Variants in MYO16 observed in about 807,000 individuals in gnomAD.
The protein encoded by MYO16 is unconventional myosin-XVI.
A neutral mutation model predicts 205.3 loss-of-function variants in MYO16; 94 were observed. The ratio of observed to expected loss-of-function variants is 0.46; its 90% CI spans 0.39 to 0.54. The LOEUF is 0.54. Among genes scored for constraint, MYO16 ranks in the 20% least tolerant of loss-of-function variants. The pLI is 0.00. For synonymous variants in MYO16, 988 were observed against 954.0 expected (o/e 1.04, Z -0.66); for missense variants, 2,315 against 2,387.5 (o/e 0.97, Z 0.63).
At chr13:108,677,344 T>TATATATGC (rs1566544880) in intron 2 of MYO16, among the ~76,000 whole-genome samples, 93 of 93,256 alleles carry the variant, frequency 1.0e-3, no homozygotes, top group African/African-American at 3.4e-3. Context: ...TGTATATATA[T>TATATATGC]ATATATATAT....
At chr13:108,790,569 G>A (rs1366454854) in intron 5 of MYO16, among the ~76,000 whole-genome samples, 1 of 152,038 alleles carries the variant, frequency 6.6e-6, no homozygotes, top group Non-Finnish European at 1.5e-5. Flanking sequence ...AGACTTATGG[G>A]CTATATCCAT....
the MYO16 span, among the ~76,000 whole-genome samples, chr13:108,508,671 C>T: frequency 9.2e-5 from 14 of 152,134 alleles, no homozygotes; most frequent in African/African-American, 2.9e-4. Context: ...AGTTTTCTCC[C>T]AGCTGTGCTG....
At chr13:108,941,750 G>A (rs1030217153) in intron 16 of MYO16, among the ~76,000 whole-genome samples, 1 of 150,226 alleles carries the variant, frequency 6.7e-6, no homozygotes, top group Non-Finnish European at 1.5e-5. Flanking sequence ...GGCTATGGAT[G>A]TCCATTTTCT....
intron 1 of MYO16, among the ~76,000 whole-genome samples, chr13:108,620,253 T>G (rs563159092): frequency 6.6e-6 from 1 of 152,182 alleles, no homozygotes; most frequent in African/African-American, 2.4e-5. Context: ...CCTAGAAATA[T>G]TCACTTAGAA....
intron 1 of MYO16, among the ~76,000 whole-genome samples, chr13:108,610,440 A>G (rs979831456): frequency 3.3e-5 from 5 of 152,122 alleles, no homozygotes; most frequent in African/African-American, 1.2e-4. Context: ...CTTTGTGGGC[A>G]AAAGTACTCT....
At chr13:109,066,382 A>G (rs527758629) in intron 27 of MYO16, among the ~76,000 whole-genome samples, 25 of 152,196 alleles carry the variant, frequency 1.6e-4, no homozygotes, top group Non-Finnish European at 3.4e-4. Flanking sequence ...ATTTTGCCAA[A>G]TCTAACCATT....
the MYO16 span, among the ~76,000 whole-genome samples, chr13:108,555,019 T>C: frequency 2.6e-5 from 4 of 152,148 alleles, no homozygotes; most frequent in Admixed American, 6.5e-5. Context: ...CCTGCTAACA[T>C]TGGAAATCTA....
chr13:108,612,761 C>T (rs1159808234), intron 1 of MYO16, among the ~76,000 whole-genome samples: 4 of 152,156 alleles, frequency 2.6e-5, no homozygotes, highest in South Asian at 2.1e-4. Flanking sequence ...CCTTTCAGAC[C>T]GTGAGAAAGG....
chr13:108,889,995 G>A (rs1880086691), intron 14 of MYO16, among the ~76,000 whole-genome samples: 2 of 151,826 alleles, frequency 1.3e-5, no homozygotes, highest in African/African-American at 4.8e-5. Flanking sequence ...ACAGTGATAC[G>A]ATCACCATTC....
intron 16 of MYO16, among the ~76,000 whole-genome samples, chr13:108,950,657 A>G (rs1045030353): frequency 6.6e-6 from 1 of 152,314 alleles, no homozygotes. Flanking sequence ...AAAACTATAG[A>G]TGCAACTACC....
At chr13:108,979,494 AT>A (rs1298739198) in intron 20 of MYO16, among the ~76,000 whole-genome samples, 1 of 152,086 alleles carries the variant, frequency 6.6e-6, no homozygotes, top group African/African-American at 2.4e-5. Context: ...CAAACTGGGG[AT>A]TTTTTTACCA....
chr13:108,650,820 G>A (rs765837495), intron 1 of MYO16, among the ~76,000 whole-genome samples: 10 of 152,156 alleles, frequency 6.6e-5, no homozygotes, highest in Non-Finnish European at 1.3e-4. Flanking sequence ...GGAAAAGACA[G>A]GTTCTGGTGT....
upstream of MYO16, among the ~76,000 whole-genome samples, chr13:108,593,403 G>T (rs148802649): frequency 1.5e-3 from 222 of 152,250 alleles, 1 homozygote; most frequent in African/African-American, 5.2e-3. Context: ...TTCCCGGAGG[G>T]AGCTGCCGGC....
In MYO16 at chr13:109,127,276, C is replaced by T. The variant is rs184507184; in HGVS notation, c.3783-6C>T. On this transcript the variant is annotated splice_region_variant and splice_polypyrimidine_tract_variant and intron_variant, in intron 30 of 34. Coordinates refer to ENST00000457511, the MANE Select transcript of MYO16 (RefSeq NM_001198950.3). This position sits in a 1 kb window ranked among gnomAD's most constrained non-coding sequence, Gnocchi z 4.2. Reference sequence around the variant, plus strand: ...TGGTGCTGTTTGTGTTTTGTTTCCCCCTAAGAACCGATGACAAGAGTGGAC... The same window carrying T: ...TGGTGCTGTTTGTGTTTTGTTTCCCTCTAAGAACCGATGACAAGAGTGGAC... The T allele has an allele frequency of 2.5e-6, 4 of 1,570,024 alleles. No homozygotes were observed. Among genetic ancestry groups the T allele is most frequent in the Middle Eastern group, 3.4e-4 (2 of 5,838 alleles).
At chr13:108,982,676 C>T (rs1297228940) in intron 20 of MYO16, among the ~76,000 whole-genome samples, 1 of 152,120 alleles carries the variant, frequency 6.6e-6, no homozygotes, top group Non-Finnish European at 1.5e-5. Context: ...TTAATGAAAT[C>T]TTTAGTTAAA....
intron 2 of MYO16, among the ~76,000 whole-genome samples, chr13:108,670,844 A>G (rs1476027039): frequency 2.0e-5 from 3 of 152,216 alleles, no homozygotes; most frequent in Non-Finnish European, 4.4e-5. Flanking sequence ...TTGGTGGAAT[A>G]TAATATAATC....
At chr13:109,128,441 A>T (rs940246012) in intron 31 of MYO16, among the ~76,000 whole-genome samples, 6 of 152,212 alleles carry the variant, frequency 3.9e-5, no homozygotes, top group Non-Finnish European at 5.9e-5. Flanking sequence ...AGAACATAAG[A>T]TGAAACACAG....
intron 4 of MYO16, among the ~76,000 whole-genome samples, chr13:108,737,565 T>C (rs572211218): frequency 2.6e-5 from 4 of 152,352 alleles, no homozygotes; most frequent in African/African-American, 9.6e-5. Flanking sequence ...GATTTTTGCA[T>C]CAATGTTCAT....
chr13:108,969,367 C>T (rs925066560), intron 20 of MYO16, among the ~76,000 whole-genome samples: 9 of 152,186 alleles, frequency 5.9e-5, no homozygotes, highest in African/African-American at 1.9e-4. Flanking sequence ...CAATGACCAC[C>T]GAAGGTATTA....
Sources: gnomAD v4.1 joint callset for allele counts (sites outside exome capture counted in the v4.1 genomes callset) on GRCh38, gnomAD v4.1.1 for gene constraint, Gnocchi (gnomAD v3.1) non-coding constraint, MANE v1.5 for transcripts, NCBI Gene and HGNC (gene_info 2026-07-23, HGNC 2026-07-21) for gene names.